The following MYO18B variants were observed in gnomAD, a reference collection of about 807,000 sequenced individuals.
MYO18B encodes myosin XVIIIB, also known as unconventional myosin-XVIIIb.
MYO18B carries 204 observed loss-of-function variants against 273.0 expected under a neutral mutation model. The observed-to-expected ratio is 0.75, with a 90% CI of 0.67 to 0.84. The LOEUF (loss-of-function observed/expected upper bound fraction) is 0.84, where lower values mean the gene tolerates loss of function less well. Among genes scored for constraint, MYO18B ranks in the 40% least tolerant of loss-of-function variants. The pLI, the probability that MYO18B is intolerant of heterozygous loss-of-function variation, is 0.00. For synonymous variants in MYO18B, 1,330 were observed against 1,305.7 expected, an observed-to-expected ratio of 1.02 and a Z score of -0.40; for missense variants, 3,212 against 3,287.6, an observed-to-expected ratio of 0.98 and a Z score of 0.56.
At chr22:26,016,720 C>T (rs1451813620) in intron 42 of MYO18B, among the ~76,000 whole-genome samples, 1 of 152,146 alleles carries the variant, frequency 6.6e-6, no homozygotes, top group African/African-American at 2.4e-5. Flanking sequence ...AGAAGAAAGA[C>T]ATGGTCTACT....
the MYO18B span, among the ~76,000 whole-genome samples, chr22:26,057,840 C>T: frequency 6.6e-6 from 1 of 152,258 alleles, no homozygotes; most frequent in African/African-American, 2.4e-5. Flanking sequence ...GTCCTGAGCT[C>T]TTTATGTCAC....
At chr22:25,783,322 C>A (rs1356155597) in intron 10 of MYO18B, among the ~76,000 whole-genome samples, 1 of 152,232 alleles carries the variant, frequency 6.6e-6, no homozygotes, top group Non-Finnish European at 1.5e-5. Flanking sequence ...CTAGTGCCAA[C>A]CCCGTAGGCA....
chr22:25,956,044 G>A (rs2092847531), intron 39 of MYO18B, among the ~76,000 whole-genome samples: 1 of 152,086 alleles, frequency 6.6e-6, no homozygotes, highest in South Asian at 2.1e-4. Flanking sequence ...AAAAAGGTGG[G>A]GAAACTGACA....
intron 42 of MYO18B, among the ~76,000 whole-genome samples, chr22:26,019,051 GT>G (rs1281085563): frequency 1.3e-5 from 2 of 152,210 alleles, no homozygotes. Flanking sequence ...GTGCTTCACA[GT>G]TTCTCTGGAA....
chr22:25,952,098 C>A (rs2092798881), intron 37 of MYO18B, among the ~76,000 whole-genome samples, 188 bp from the exon 38 acceptor site: 1 of 152,158 alleles, frequency 6.6e-6, no homozygotes, highest in African/African-American at 2.4e-5. Context: ...GTGTGAGGGT[C>A]CAGTGAAGGT....
intron 11 of MYO18B, among the ~76,000 whole-genome samples, chr22:25,796,398 A>C (rs780052507): frequency 2.4e-4 from 37 of 152,084 alleles, no homozygotes; most frequent in Non-Finnish European, 4.3e-4. Flanking sequence ...TAGCCTGGGC[A>C]ACATAGCGAG....
At chr22:25,836,603 A>C (rs2089907957) in intron 17 of MYO18B, among the ~76,000 whole-genome samples, 1 of 152,176 alleles carries the variant, frequency 6.6e-6, no homozygotes, top group Non-Finnish European at 1.5e-5. Flanking sequence ...GTCAAAAGAC[A>C]GATTCAAAAC....
the MYO18B span, among the ~76,000 whole-genome samples, chr22:26,044,098 C>A: frequency 1.3e-5 from 2 of 152,154 alleles, no homozygotes; most frequent in African/African-American, 4.8e-5. Flanking sequence ...TGAGGTTGAA[C>A]CCATTTTCAA....
intron 39 of MYO18B, 122 bp downstream of exon 39, chr22:25,955,486 C>A (rs1569233866): frequency 2.9e-6 from 3 of 1,035,666 alleles, no homozygotes; most frequent in Non-Finnish European, 4.0e-6. Context: ...CAGGGGTGTG[C>A]GGAAAGCCAG....
In MYO18B at chr22:25,914,735, C is replaced by T. The variant is rs139671938; in HGVS notation, c.5364+3685C>T. Among the ~76,000 whole-genome samples, 353 of 103,990 alleles carry T rather than the reference C, an allele frequency of 3.4e-3. 7 individuals are homozygous for T. The East Asian group carries it at 0.063, about 19-fold the overall frequency. The allele number at this position is 103,990 out of a possible 152,430, so 68.2% of individuals were successfully genotyped here. A position where few individuals can be genotyped will look rare whatever the true frequency, so the allele number is the denominator to read the frequency against. On this transcript the variant is annotated intron_variant, in intron 33 of 43. Transcript: ENST00000335473. ...TTTTTGAGATGGAGTCTCGCTCTGTCGCCCAGGATGAAGTGCAGCGGCGCG... is the reference window on the plus strand; with the variant it reads ...TTTTTGAGATGGAGTCTCGCTCTGTTGCCCAGGATGAAGTGCAGCGGCGCG...
chr22:25,950,638 C>G (rs1210045541), intron 37 of MYO18B, among the ~76,000 whole-genome samples, 188 bp downstream of exon 37: 2 of 152,026 alleles, frequency 1.3e-5, no homozygotes, highest in African/African-American at 4.8e-5. Context: ...GTGGCGCGAT[C>G]TTGGCTCACT....
intron 1 of MYO18B, among the ~76,000 whole-genome samples, chr22:25,748,941 A>G (rs2085859104): frequency 6.6e-6 from 1 of 152,182 alleles, no homozygotes; most frequent in Admixed American, 6.5e-5. Context: ...TGGACTTTGT[A>G]TGGAATCATG....
chr22:26,019,851 T>C (rs1935668932), intron 42 of MYO18B, among the ~76,000 whole-genome samples: 1 of 152,204 alleles, frequency 6.6e-6, no homozygotes, highest in South Asian at 2.1e-4. Flanking sequence ...CTGGGAATTA[T>C]GTTTTGTTTG....
At chr22:25,900,375 C>T (rs2091908420) in intron 29 of MYO18B, 1 of 152,258 alleles carries the variant, frequency 6.6e-6, no homozygotes, top group Non-Finnish European at 1.5e-5. Context: ...TTCCTTGCAT[C>T]TCTCGATGCT....
In MYO18B at chr22:25,903,646, G is replaced by A; in HGVS notation, c.4963G>A (p.Ala1655Thr). 6.2e-7 allele frequency: 1 copy of A among 1,606,566 alleles called. No individual in the cohort carries two copies. Among genetic ancestry groups the A allele is most frequent in the Non-Finnish European group, 8.5e-7 (1 of 1,176,448 alleles). The change falls in exon 31 of 44, where the codon GCC becomes ACC. Residue 1655 changes from alanine (A) to threonine (T), a missense_variant. Physicochemically the swap from Ala to Thr is moderately conservative, Grantham distance 58. Coordinates refer to ENST00000335473, the MANE Select transcript of MYO18B (RefSeq NM_032608.7). ...GTCTCTGTAGCAAAAGGAGCAGGAA[G>A]CCTCACAGCTGAAGCAGCAGGTGGA... ...QQQLKQKEQE[A>T]SQLKQQVEML... is the part of the protein sequence containing the mutation.
At chr22:25,818,591 G>A (rs753517535) in intron 12 of MYO18B, among the ~76,000 whole-genome samples, 48 of 152,190 alleles carry the variant, frequency 3.2e-4, no homozygotes, top group Non-Finnish European at 6.6e-4. Context: ...TGACTCAGAA[G>A]CTCTGGGGTG....
At chr22:25,742,493 C>T (rs1389327069) in intron 1 of MYO18B, among the ~76,000 whole-genome samples, 200 bp downstream of exon 1, 1 of 151,990 alleles carries the variant, frequency 6.6e-6, no homozygotes, top group African/African-American at 2.4e-5. Context: ...AAGAGTGTTT[C>T]GGTGGAAGGA....
chr22:25,860,629 C>T (rs767397901), intron 21 of MYO18B, among the ~76,000 whole-genome samples: 2 of 152,116 alleles, frequency 1.3e-5, no homozygotes, highest in Non-Finnish European at 2.9e-5. Flanking sequence ...ATATTTGGAA[C>T]TTTCTCACCT....
intron 28 of MYO18B, 81 bp downstream of exon 28, chr22:25,895,361 T>C (rs912165275): frequency 2.0e-6 from 3 of 1,505,456 alleles, no homozygotes; most frequent in Non-Finnish European, 2.7e-6. Context: ...GATCGAGGTA[T>C]TAGCTGAGCC....
Sources: allele counts gnomAD v4.1 joint callset (sites outside exome capture counted in the v4.1 genomes callset), GRCh38; gene constraint gnomAD v4.1.1; transcripts MANE v1.5; gene names NCBI Gene and HGNC (gene_info 2026-07-23, HGNC 2026-07-21).